GNAL: variants seen among roughly 807,000 people sequenced by gnomAD.
GNAL encodes the protein guanine nucleotide-binding protein G(olf) subunit alpha.
Under a neutral mutation model 55.1 loss-of-function variants are expected in GNAL, and 18 were observed. The ratio of observed to expected loss-of-function variants is 0.33; its 90% CI spans 0.23 to 0.48. The LOEUF is 0.48. Ranked by LOEUF, GNAL falls within the 20% of genes least tolerant of loss-of-function variation. The probability of loss-of-function intolerance (pLI) is 0.99; values close to 1 mark genes in which losing one functional copy is unlikely to be tolerated. For synonymous variants in GNAL, 253 were observed against 237.0 expected (o/e 1.07, Z -0.62); for missense variants, 412 against 614.1 (o/e 0.67, Z 3.48).
chr18:11,692,895 C>T (rs1442939111), intron 1 of GNAL, among the ~76,000 whole-genome samples: 9 of 152,152 alleles, frequency 5.9e-5, no homozygotes, highest in African/African-American at 1.7e-4. Context: ...GACCCACCCA[C>T]GTCAGCATCC....
intron 1 of GNAL, among the ~76,000 whole-genome samples, chr18:11,731,870 C>G (rs914835874): frequency 3.4e-4 from 51 of 152,204 alleles, no homozygotes; most frequent in African/African-American, 1.2e-3. Context: ...CTCTTCCTCC[C>G]AACAACCATT....
At chr18:11,825,840 A>G (rs1039456038) in intron 5 of GNAL, among the ~76,000 whole-genome samples, 4 of 151,272 alleles carry the variant, frequency 2.6e-5, no homozygotes, top group Non-Finnish European at 5.9e-5. Context: ...GATATATTCT[A>G]TTGCTATTAG....
intron 4 of GNAL, among the ~76,000 whole-genome samples, chr18:11,821,756 G>T (rs2143631206): frequency 6.6e-6 from 1 of 152,330 alleles, no homozygotes; most frequent in African/African-American, 2.4e-5. Flanking sequence ...CGGTGATACT[G>T]ATATTTCTGC....
chr18:11,884,711 G>T lies in GNAL; in HGVS notation c.*3576G>T. ...TCTTAGAAACAGCAGAGGGAAGACT[G>T]CCTTCTCAGGTCCCCCTCAGGTGAG... On this transcript the variant is annotated 3_prime_UTR_variant, in exon 12 of 12. Coordinates refer to ENST00000334049, the MANE Select transcript of GNAL (RefSeq NM_182978.4). 1 of 1,435,850 alleles carries T rather than the reference G, an allele frequency of 7.0e-7. No homozygotes were observed. The highest frequency in any genetic ancestry group is 9.6e-7 in the Non-Finnish European group (1 of 1,043,220). 88.9% of individuals were successfully genotyped at this position (1,435,850 alleles called of 1,614,324 possible). A position where few individuals can be genotyped will look rare whatever the true frequency, so the allele number is the denominator to read the frequency against.
chr18:11,765,497 A>G (rs1342603606), intron 4 of GNAL, among the ~76,000 whole-genome samples: 1 of 152,170 alleles, frequency 6.6e-6, no homozygotes, highest in African/African-American at 2.4e-5. Flanking sequence ...GTGCTCCTCA[A>G]TACTGTATCT....
intron 4 of GNAL, among the ~76,000 whole-genome samples, chr18:11,786,742 T>C (rs1195934357): frequency 4.0e-5 from 6 of 151,666 alleles, no homozygotes; most frequent in African/African-American, 1.2e-4. Context: ...TGAGCCACCG[T>C]GCCCGGCGAT....
intron 1 of GNAL, among the ~76,000 whole-genome samples, chr18:11,693,302 C>T (rs1256762986): frequency 6.6e-6 from 1 of 152,134 alleles, no homozygotes; most frequent in African/African-American, 2.4e-5. Context: ...TGAAAGTACT[C>T]TTTGAAGACA....
chr18:11,825,764 G>A (rs56157192), intron 5 of GNAL, among the ~76,000 whole-genome samples: 95,652 of 141,618 alleles, frequency 0.68, 34,369 homozygotes, highest in Admixed American at 0.81. Context: ...AAGGACACTT[G>A]GTGCCAGGGC....
At chr18:11,744,415 C>T (rs1323733368) in intron 1 of GNAL, among the ~76,000 whole-genome samples, 1 of 152,066 alleles carries the variant, frequency 6.6e-6, no homozygotes, top group East Asian at 1.9e-4. Flanking sequence ...AAATTTTTAT[C>T]ATGATGTTTT....
chr18:11,810,729 C>A (rs1411345817), intron 4 of GNAL: 2 of 152,440 alleles, frequency 1.3e-5, no homozygotes, highest in Non-Finnish European at 2.9e-5. Context: ...TATTCTGCTA[C>A]CCCTTTTCTT....
chr18:11,816,193 G>A (rs759849299), intron 4 of GNAL, among the ~76,000 whole-genome samples: 12 of 152,190 alleles, frequency 7.9e-5, no homozygotes, highest in Admixed American at 2.0e-4. Flanking sequence ...ATTCACAATA[G>A]TCAAAAACTG....
chr18:11,769,019 AT>A (rs2033529227), intron 4 of GNAL, among the ~76,000 whole-genome samples: 1 of 103,334 alleles, frequency 9.7e-6, no homozygotes, highest in South Asian at 2.3e-4. Context: ...TATATTCTAT[AT>A]TATAATATAT....
intron 4 of GNAL, among the ~76,000 whole-genome samples, chr18:11,785,401 T>G (rs2034029554): frequency 6.6e-6 from 1 of 151,924 alleles, no homozygotes; most frequent in Non-Finnish European, 1.5e-5. Context: ...CCCCAATAAG[T>G]AGAACAATGG....
At chr18:11,826,407 G>A (rs2035248511) in intron 5 of GNAL, among the ~76,000 whole-genome samples, 1 of 151,850 alleles carries the variant, frequency 6.6e-6, no homozygotes. Context: ...GCATGGCTGG[G>A]GAAAGAAAGA....
chr18:11,720,413 TG>T (rs1385503458), intron 1 of GNAL, among the ~76,000 whole-genome samples: 1 of 152,254 alleles, frequency 6.6e-6, no homozygotes, highest in Non-Finnish European at 1.5e-5. Flanking sequence ...TCAAAGTAAG[TG>T]CTCCCATTAT....
At chr18:11,774,632 A>G (rs2033728047) in intron 4 of GNAL, among the ~76,000 whole-genome samples, 1 of 152,154 alleles carries the variant, frequency 6.6e-6, no homozygotes, top group Non-Finnish European at 1.5e-5. Context: ...CCCAGAGAAC[A>G]TAATTGACTT....
At chr18:11,809,805 A>G (rs923784187) in intron 4 of GNAL, among the ~76,000 whole-genome samples, 2 of 152,258 alleles carry the variant, frequency 1.3e-5, no homozygotes, top group African/African-American at 4.8e-5. Context: ...CAAGAACTGG[A>G]AGAAGTATTT....
At chr18:11,840,407 C>CA (rs972088512) in intron 5 of GNAL, among the ~76,000 whole-genome samples, 31 of 152,112 alleles carry the variant, frequency 2.0e-4, no homozygotes, top group Non-Finnish European at 3.7e-4. Context: ...ATCGTTTTGC[C>CA]AAAAAAGGAA....
chr18:11,826,933 C>T (rs1004993343), intron 5 of GNAL, among the ~76,000 whole-genome samples: 3 of 152,232 alleles, frequency 2.0e-5, no homozygotes, highest in Middle Eastern at 3.4e-3. Flanking sequence ...GGAGTGCCCG[C>T]AGAGAGGCAA....
Sources: allele counts gnomAD v4.1 joint callset (sites outside exome capture counted in the v4.1 genomes callset), GRCh38; gene constraint gnomAD v4.1.1; transcripts MANE v1.5; gene names NCBI Gene and HGNC (gene_info 2026-07-23, HGNC 2026-07-21).